PDE4D: variants seen among roughly 807,000 people sequenced by gnomAD.
PDE4D encodes the protein 3',5'-cyclic-AMP phosphodiesterase 4D.
PDE4D carries 24 observed loss-of-function variants against 87.4 expected under a neutral mutation model. That is an observed-to-expected ratio of 0.27 (90% CI 0.20 to 0.39). The LOEUF (loss-of-function observed/expected upper bound fraction) is 0.39. Ranked by LOEUF, PDE4D falls within the 10% of genes least tolerant of loss-of-function variation. The probability of loss-of-function intolerance (pLI) is 1.00; values close to 1 mark genes in which losing one functional copy is unlikely to be tolerated. For synonymous variants in PDE4D, 384 were observed against 383.2 expected (o/e 1.00, Z -0.02); for missense variants, 714 against 1,041.0 (o/e 0.69, Z 4.32).
intron 1 of PDE4D, among the ~76,000 whole-genome samples, chr5:59,527,855 G>A (rs1208014193): frequency 6.6e-6 from 1 of 152,156 alleles, no homozygotes; most frequent in Non-Finnish European, 1.5e-5. Context: ...ATAAACCAAT[G>A]ACAGCCTTCT....
intron 2 of PDE4D, among the ~76,000 whole-genome samples, chr5:60,027,194 AATAG>A (rs1249176786): frequency 1.3e-5 from 2 of 152,140 alleles, no homozygotes; most frequent in African/African-American, 4.8e-5. Flanking sequence ...CATTGTACCC[AATAG>A]ATAGTTTCTT....
At chr5:59,222,387 T>C (rs2153511359) in intron 1 of PDE4D, among the ~76,000 whole-genome samples, 1 of 152,328 alleles carries the variant, frequency 6.6e-6, no homozygotes, top group South Asian at 2.1e-4. Flanking sequence ...CCTGCTACTG[T>C]GCTGAGTAAA....
chr5:59,556,294 A>T (rs1818901656), intron 1 of PDE4D, among the ~76,000 whole-genome samples: 1 of 152,048 alleles, frequency 6.6e-6, no homozygotes. Flanking sequence ...TTTTTATTCA[A>T]ATTCTCTCTC....
chr5:59,008,377 A>G (rs1431588815), intron 6 of PDE4D, among the ~76,000 whole-genome samples: 1 of 151,984 alleles, frequency 6.6e-6, no homozygotes, highest in Admixed American at 6.6e-5. Context: ...TAAAGTAATA[A>G]TAACTAGTGT....
Position 60,290,852 on chromosome 5 carries a change from A to G in PDE4D, c.-89-105165T>C, listed in dbSNP as rs990049685. Among the ~76,000 whole-genome samples the G allele has an allele frequency of 3.3e-5, 5 of 152,254 alleles. No homozygotes were observed. The East Asian group carries it at 9.6e-4, about 29-fold the overall frequency. On this transcript the variant is annotated intron_variant, in intron 1 of 16. Transcript: ENST00000502484. ...CAAATAGGAGAGTATACAGACATAG[A>G]TAAAGCAAAGGCATAATGATTTTTA...
chr5:59,653,348 C>T (rs980214845), intron 1 of PDE4D, among the ~76,000 whole-genome samples: 68 of 151,844 alleles, frequency 4.5e-4, no homozygotes, highest in Admixed American at 3.2e-3. Flanking sequence ...GGACTACAGG[C>T]GCCCGCCACC....
chr5:59,596,934 G>A (rs543544492), intron 1 of PDE4D, among the ~76,000 whole-genome samples: 24 of 152,250 alleles, frequency 1.6e-4, no homozygotes, highest in Admixed American at 3.9e-4. Flanking sequence ...GATAACTAAA[G>A]AGACAGTGGC....
At position 60,151,554 on chromosome 5, in the gene PDE4D, C is replaced by T. The variant is rs114273789; in HGVS notation, c.42+34003G>A. ...TTCTTAATTTCCTTTTCAGATAGTT[C>T]ATTGTTAGTGTACAGATACAAAAGT... On this transcript the variant is annotated intron_variant, in intron 2 of 16. Coordinates refer to the PDE4D transcript ENST00000502484. Among the ~76,000 whole-genome samples the T allele has an allele frequency of 4.5e-3, 682 of 151,878 alleles. 7 individuals carry two copies. The highest frequency in any genetic ancestry group is 0.016 in the African/African-American group (648 of 41,394).
At chr5:59,570,760 G>C (rs1821700942) in intron 1 of PDE4D, among the ~76,000 whole-genome samples, 1 of 152,094 alleles carries the variant, frequency 6.6e-6, no homozygotes, top group South Asian at 2.1e-4. Context: ...GGAGAAACAT[G>C]AATAAGGATA....
At chr5:59,318,928 TTAA>T (rs1286432718) in intron 1 of PDE4D, among the ~76,000 whole-genome samples, 1 of 152,052 alleles carries the variant, frequency 6.6e-6, no homozygotes. Flanking sequence ...TTCTTTTATC[TTAA>T]TAAAAAAAAG....
At chr5:59,808,515 C>T (rs1166471155) in intron 1 of PDE4D, among the ~76,000 whole-genome samples, 1 of 152,078 alleles carries the variant, frequency 6.6e-6, no homozygotes, top group African/African-American at 2.4e-5. Context: ...ATTGAGATCA[C>T]CTGGGGAGTC....
chr5:59,116,594 A>T (rs963523344), intron 5 of PDE4D, among the ~76,000 whole-genome samples: 2 of 152,166 alleles, frequency 1.3e-5, no homozygotes, highest in Non-Finnish European at 2.9e-5. Flanking sequence ...TGTGTCGGAA[A>T]CACCCCTCAG....
intron 2 of PDE4D, among the ~76,000 whole-genome samples, chr5:60,033,331 T>A (rs1365798049): frequency 2.0e-5 from 3 of 152,166 alleles, no homozygotes; most frequent in Non-Finnish European, 4.4e-5. Flanking sequence ...GATCATGGTG[T>A]GAAGTTTTGC....
chr5:60,156,642 A>C (rs7724093), intron 2 of PDE4D, among the ~76,000 whole-genome samples: 1,539 of 152,280 alleles, frequency 0.01, 30 homozygotes, highest in East Asian at 0.047. Flanking sequence ...GGAACACTTG[A>C]AAAATAAAAG....
At chr5:59,556,185 T>C (rs1402851167) in intron 1 of PDE4D, among the ~76,000 whole-genome samples, 1 of 152,164 alleles carries the variant, frequency 6.6e-6, no homozygotes, top group Admixed American at 6.6e-5. Context: ...AGGCAGTGAG[T>C]GTCACACTGC....
intron 1 of PDE4D, among the ~76,000 whole-genome samples, chr5:59,370,392 C>T (rs1398985108): frequency 6.6e-6 from 1 of 152,166 alleles, no homozygotes; most frequent in Admixed American, 6.5e-5. Flanking sequence ...TCAACTTCTT[C>T]CTGTTCCTTA....
At chr5:59,138,285 C>CT (rs1336062261) in intron 5 of PDE4D, among the ~76,000 whole-genome samples, 1 of 152,068 alleles carries the variant, frequency 6.6e-6, no homozygotes, top group African/African-American at 2.4e-5. Context: ...ATTACATTTT[C>CT]TTTTTTTGGT....
chr5:60,105,397 C>G (rs1469970896), intron 2 of PDE4D, among the ~76,000 whole-genome samples: 2 of 152,076 alleles, frequency 1.3e-5, no homozygotes, highest in Non-Finnish European at 2.9e-5. Flanking sequence ...TGGTGTACCT[C>G]AAAGTGATGG....
intron 1 of PDE4D, among the ~76,000 whole-genome samples, chr5:60,218,960 T>A (rs1259464293): frequency 1.3e-5 from 2 of 152,132 alleles, no homozygotes; most frequent in African/African-American, 4.8e-5. Flanking sequence ...ATCCACCTCT[T>A]CTAAAAGCAC....
Sources: allele counts gnomAD v4.1 joint callset (sites outside exome capture counted in the v4.1 genomes callset), GRCh38; gene constraint gnomAD v4.1.1; transcripts MANE v1.5; gene names NCBI Gene and HGNC (gene_info 2026-07-23, HGNC 2026-07-21).